DHRS7B: variants seen among roughly 807,000 people sequenced by gnomAD.
DHRS7B encodes the protein peroxisomal reductase activating PPAR-gamma.
In DHRS7B, 24 loss-of-function variants were observed where a neutral mutation model predicts 26.4. The ratio of observed to expected loss-of-function variants is 0.91; its 90% CI spans 0.66 to 1.28. The LOEUF (loss-of-function observed/expected upper bound fraction) is 1.28, where lower values mean the gene tolerates loss of function less well. Among genes scored for constraint, DHRS7B ranks in the 50% most tolerant of loss-of-function variants. The probability of loss-of-function intolerance (pLI) is 0.00; values close to 1 mark genes in which losing one functional copy is unlikely to be tolerated. For missense variants in DHRS7B, 368 were observed against 419.4 expected (o/e 0.88, Z 1.07); for synonymous variants, 142 against 166.4 (o/e 0.85, Z 1.13).
rs539133971 is a variant in DHRS7B, at chr17:21,178,186, C to T, written c.200-47C>T. On this transcript the variant is annotated intron_variant, in intron 2 of 6. Coordinates refer to ENST00000395511, the MANE Select transcript of DHRS7B (RefSeq NM_015510.5). The stretch of plus-strand genomic sequence containing the variant: ...CAACGCTGGGTGAATTTAAACTGAA[C>T]GGCACTGAGGAAGAATGGCTGTCAA... 166 of 1,564,444 alleles carry T rather than the reference C, an allele frequency of 1.1e-4. No individual in the cohort carries two copies. The South Asian group carries it at 1.6e-3, about 15-fold the overall frequency.
At chr17:21,138,101 T>TATATATATATACACACACAC (rs1555536219) in intron 1 of DHRS7B, among the ~76,000 whole-genome samples, 3 of 86,146 alleles carry the variant, frequency 3.5e-5, no homozygotes, top group African/African-American at 1.1e-4. Flanking sequence ...TATATATATA[T>TATATATATATACACACACAC]ACACACACAC....
At position 21,126,986 on chromosome 17, in the gene DHRS7B, TACCAGG is replaced by T. The variant is rs1567612906; in HGVS notation, c.16_20+1del. The T allele has an allele frequency of 6.5e-7, 1 of 1,533,016 alleles. No individual in the cohort carries two copies. 95.0% of individuals were successfully genotyped at this position (1,533,016 alleles called of 1,614,324 possible). A position where few individuals can be genotyped will look rare whatever the true frequency, so the allele number is the denominator to read the frequency against. Reference sequence around the variant, plus strand: ...GTTGATTGACTATGGTCTCTCCGGCTACCAGGTAGGGGCTGGGGAAGAAGGAACCTC... The same window carrying T: ...GTTGATTGACTATGGTCTCTCCGGCTTAGGGGCTGGGGAAGAAGGAACCTC... On this transcript the variant is annotated splice_donor_variant and coding_sequence_variant, in exon 1 of 7. Transcript: ENST00000395511. LOFTEE classifies it high-confidence loss of function.
chr17:21,158,518 T>C (rs1167554094), intron 1 of DHRS7B, among the ~76,000 whole-genome samples: 1 of 152,212 alleles, frequency 6.6e-6, no homozygotes, highest in African/African-American at 2.4e-5. Context: ...AACAGGTTTT[T>C]TAATGAGGCA....
At chr17:21,150,497 A>G (rs187663853) in intron 1 of DHRS7B, among the ~76,000 whole-genome samples, 183 of 152,278 alleles carry the variant, frequency 1.2e-3, no homozygotes, top group South Asian at 5.4e-3. Context: ...CATGCCTGTA[A>G]TCCCAGCTAC....
At chr17:21,156,781 C>T (rs1462243334) in intron 1 of DHRS7B, among the ~76,000 whole-genome samples, 1 of 141,284 alleles carries the variant, frequency 7.1e-6, no homozygotes, top group Non-Finnish European at 1.5e-5. Flanking sequence ...GACGTGGTGG[C>T]ATGCACCTGT....
chr17:21,151,359 A>G (rs1171611622), intron 1 of DHRS7B, among the ~76,000 whole-genome samples: 3 of 151,868 alleles, frequency 2.0e-5, no homozygotes, highest in Non-Finnish European at 4.4e-5. Context: ...AAAAATTAAA[A>G]AAAAATTAGC....
At chr17:21,134,582 A>C (rs1462890022) in intron 1 of DHRS7B, among the ~76,000 whole-genome samples, 2 of 152,192 alleles carry the variant, frequency 1.3e-5, no homozygotes, top group African/African-American at 4.8e-5. Context: ...GATTCCTTAA[A>C]GGAAAGCACT....
At chr17:21,172,628 G>T (rs1974285855) in intron 2 of DHRS7B, among the ~76,000 whole-genome samples, 1 of 152,198 alleles carries the variant, frequency 6.6e-6, no homozygotes, top group South Asian at 2.1e-4. Flanking sequence ...TTCAGCCGGG[G>T]CCTCTGGTTC....
chr17:21,165,916 CAAAAAA>C (rs11346854), intron 1 of DHRS7B, among the ~76,000 whole-genome samples: 33 of 119,450 alleles, frequency 2.8e-4, no homozygotes, highest in African/African-American at 9.4e-4. Context: ...ACTCCGTCTC[CAAAAAA>C]AAAAAAAAAA....
intron 1 of DHRS7B, among the ~76,000 whole-genome samples, chr17:21,131,383 G>T (rs529287345): frequency 2.0e-4 from 30 of 152,322 alleles, no homozygotes; most frequent in Admixed American, 8.5e-4. Flanking sequence ...GTAACTTCTT[G>T]ACATTGCCAT....
rs551423581 is a variant in DHRS7B, at chr17:21,187,486, C to T, written c.620-1225C>T. On this transcript the variant is annotated intron_variant, in intron 5 of 6. Transcript: ENST00000395511. ...TAAAAAATACAAAAAAGTAGCCGGG[C>T]GTGGTGGCGGGTGCCTGTAGTCCCA... Among the ~76,000 whole-genome samples the T allele has an allele frequency of 4.0e-4, 61 of 151,606 alleles. No homozygotes were observed. In the East Asian group the frequency reaches 6.0e-3, roughly 15 times the overall value.
At chr17:21,158,784 C>A (rs1056625984) in intron 1 of DHRS7B, among the ~76,000 whole-genome samples, 1 of 152,012 alleles carries the variant, frequency 6.6e-6, no homozygotes, top group Admixed American at 6.6e-5. Context: ...CTACCTGACT[C>A]CAAGACTTAG....
In DHRS7B at chr17:21,136,407, A is replaced by C. The variant is rs566899754; in HGVS notation, c.20+9416A>C. On this transcript the variant is annotated intron_variant, in intron 1 of 6. Transcript: ENST00000395511. The stretch of plus-strand genomic sequence containing the variant: ...AAGGACTTTAAAAGCACATACAGGA[A>C]GATACATGGAGGCTGAATCACTTGA... 3.4e-5 allele frequency among the ~76,000 whole-genome samples: 5 copies of C among 148,872 alleles called. No individual in the cohort carries two copies. The South Asian group carries it at 1.1e-3, about 32-fold the overall frequency.
chr17:21,187,308 C>T (rs1454716914), intron 5 of DHRS7B, among the ~76,000 whole-genome samples: 7 of 151,450 alleles, frequency 4.6e-5, no homozygotes, highest in African/African-American at 1.7e-4. Flanking sequence ...GCCTGGGTAA[C>T]AGAGAAGATG....
chr17:21,141,733 A>C (rs1207318234), intron 1 of DHRS7B, among the ~76,000 whole-genome samples: 4 of 149,756 alleles, frequency 2.7e-5, no homozygotes, highest in Non-Finnish European at 5.9e-5. Flanking sequence ...AAGCAGGTAA[A>C]ACTCCAAAAA....
At chr17:21,140,619 T>A (rs1283804009) in intron 1 of DHRS7B, among the ~76,000 whole-genome samples, 1 of 151,216 alleles carries the variant, frequency 6.6e-6, no homozygotes, top group African/African-American at 2.4e-5. Context: ...AAATATCTTG[T>A]TGGATCTAAA....
chr17:21,175,371 G>A (rs1409895326), intron 2 of DHRS7B, among the ~76,000 whole-genome samples: 1 of 152,218 alleles, frequency 6.6e-6, no homozygotes, highest in African/African-American at 2.4e-5. Context: ...CCCAGCTGAG[G>A]AGATGGCAGC....
rs376927779 is a variant in DHRS7B, at chr17:21,187,911, C to T, written c.620-800C>T. ...TCGCCCAGGCTGGAGTGCAGTGGCG[C>T]GATCTCCGCTCACTGCAAGCTCCAC... On this transcript the variant is annotated intron_variant, in intron 5 of 6. Coordinates refer to ENST00000395511, the MANE Select transcript of DHRS7B (RefSeq NM_015510.5). Among the ~76,000 whole-genome samples the T allele has an allele frequency of 1.4e-3, 219 of 151,942 alleles. 1 individual carries two copies. The South Asian group carries it at 0.02, about 14-fold the overall frequency.
intron 1 of DHRS7B, among the ~76,000 whole-genome samples, chr17:21,148,231 A>T (rs574633038): frequency 2.3e-4 from 35 of 152,172 alleles, no homozygotes; most frequent in South Asian, 8.3e-4. Context: ...AATAATTTTT[A>T]AAAAAAGAAT....
Sources: gnomAD v4.1 joint callset for allele counts (sites outside exome capture counted in the v4.1 genomes callset) on GRCh38, gnomAD v4.1.1 for gene constraint, MANE v1.5 for transcripts, NCBI Gene and HGNC (gene_info 2026-07-23, HGNC 2026-07-21) for gene names.